BABAM2: variants seen among roughly 807,000 people sequenced by gnomAD.
The protein encoded by BABAM2 is BRISC and BRCA1-A complex member 2.
In BABAM2, 31 loss-of-function variants were observed where a neutral mutation model predicts 54.7. That is an observed-to-expected ratio of 0.57 (90% CI 0.43 to 0.77). The LOEUF (loss-of-function observed/expected upper bound fraction) is 0.77, where lower values mean the gene tolerates loss of function less well. Ranked by LOEUF, BABAM2 falls within the 30% of genes least tolerant of loss-of-function variation. The probability of loss-of-function intolerance (pLI) is 0.00; values close to 1 mark genes in which losing one functional copy is unlikely to be tolerated. For missense variants in BABAM2, 364 were observed against 455.8 expected (o/e 0.80, Z 1.83); for synonymous variants, 167 against 162.9 (o/e 1.03, Z -0.19).
At chr2:28,287,480 A>G (rs10495763) in intron 10 of BABAM2, among the ~76,000 whole-genome samples, 16,087 of 152,256 alleles carry the variant, frequency 0.11, 926 homozygotes, top group Middle Eastern at 0.17. Flanking sequence ...AATCAATGCC[A>G]GTTAGTCACT....
chr2:28,175,835 G>C (rs1276825312), intron 7 of BABAM2, among the ~76,000 whole-genome samples: 1 of 152,136 alleles, frequency 6.6e-6, no homozygotes, highest in African/African-American at 2.4e-5. Flanking sequence ...AGGGGCCCAA[G>C]GATAGATACC....
chr2:28,104,105 G>A (rs916144332), intron 6 of BABAM2, among the ~76,000 whole-genome samples: 16 of 152,098 alleles, frequency 1.1e-4, no homozygotes, highest in African/African-American at 3.9e-4. Flanking sequence ...GAAAACCTAG[G>A]CAATACCATT....
In BABAM2 at chr2:28,127,861, C is replaced by T. The variant is rs1263392048; in HGVS notation, c.571-1410C>T. ...TCGCTCTGTTGCCCAGGCTGGAGTGCAGTGGTGCCATCTCCGCTCACTGCA... is the reference window on the plus strand; with the variant it reads ...TCGCTCTGTTGCCCAGGCTGGAGTGTAGTGGTGCCATCTCCGCTCACTGCA... On this transcript the variant is annotated intron_variant, in intron 6 of 11. Coordinates refer to ENST00000379624, the MANE Select transcript of BABAM2 (RefSeq NM_199191.3). 1.0e-4 allele frequency among the ~76,000 whole-genome samples: 15 copies of T among 148,500 alleles called. No individual in the cohort carries two copies. In the Admixed American group the frequency reaches 1.0e-3, roughly 10 times the overall value.
At chr2:27,958,263 T>A (rs986404349) in intron 3 of BABAM2, among the ~76,000 whole-genome samples, 4 of 151,574 alleles carry the variant, frequency 2.6e-5, no homozygotes, top group Admixed American at 2.0e-4. Flanking sequence ...AGAATAGGAG[T>A]GGACAAGAGC....
intron 6 of BABAM2, among the ~76,000 whole-genome samples, chr2:28,069,566 C>T (rs1663930569): frequency 6.6e-6 from 1 of 152,170 alleles, no homozygotes; most frequent in Admixed American, 6.5e-5. Context: ...GATTGCCCTG[C>T]TACCATGAGA....
intron 1 of BABAM2, 78 bp from the exon 2 acceptor site, chr2:27,894,455 G>A: frequency 7.3e-7 from 1 of 1,367,234 alleles, no homozygotes; most frequent in Non-Finnish European, 1.0e-6. Flanking sequence ...ACTGCTGTAT[G>A]CTGTCCAGTT....
At chr2:28,173,593 G>A (rs1674594830) in intron 7 of BABAM2, among the ~76,000 whole-genome samples, 1 of 152,238 alleles carries the variant, frequency 6.6e-6, no homozygotes, top group African/African-American at 2.4e-5. Context: ...GCAGCAGGGA[G>A]CAAGACTTCA....
intron 4 of BABAM2, among the ~76,000 whole-genome samples, chr2:27,999,877 T>C (rs1019284144): frequency 6.6e-6 from 1 of 152,210 alleles, no homozygotes; most frequent in Admixed American, 6.5e-5. Flanking sequence ...TATTTCATAT[T>C]CTTCACTTGT....
At chr2:28,213,285 C>G (rs955184533) in intron 7 of BABAM2, among the ~76,000 whole-genome samples, 11 of 151,862 alleles carry the variant, frequency 7.2e-5, no homozygotes, top group Non-Finnish European at 1.5e-4. Flanking sequence ...ATTTGGGGAT[C>G]TGGTAAGAAA....
intron 11 of BABAM2, among the ~76,000 whole-genome samples, chr2:28,334,275 G>GA (rs1691217287): frequency 2.0e-5 from 3 of 152,262 alleles, no homozygotes; most frequent in Non-Finnish European, 4.4e-5. Flanking sequence ...AGTTTACAAG[G>GA]AAAGACTAAG....
At chr2:28,273,209 G>A (rs914898742) in intron 10 of BABAM2, among the ~76,000 whole-genome samples, 3 of 152,136 alleles carry the variant, frequency 2.0e-5, no homozygotes, top group East Asian at 1.9e-4. Context: ...TCATTTGCCC[G>A]TCTCTTTTCT....
chr2:28,239,327 CT>C (rs532176057), intron 8 of BABAM2, among the ~76,000 whole-genome samples: 94 of 152,150 alleles, frequency 6.2e-4, no homozygotes, highest in Admixed American at 1.5e-3. Flanking sequence ...TTATCTTGAG[CT>C]TTTGTTAGCC....
intron 6 of BABAM2, among the ~76,000 whole-genome samples, chr2:28,075,141 G>A (rs188200552): frequency 1.3e-5 from 2 of 152,234 alleles, no homozygotes; most frequent in East Asian, 1.9e-4. Context: ...GCCTGCCTCC[G>A]TTTTTAATAC....
At chr2:28,076,458 ATATTTATTTATT>A (rs1005529042) in intron 6 of BABAM2, among the ~76,000 whole-genome samples, 2 of 140,134 alleles carry the variant, frequency 1.4e-5, no homozygotes, top group African/African-American at 5.2e-5. Context: ...TTTTTATTTT[ATATTTATTTATT>A]TATTTATTTA....
Position 28,312,776 on chromosome 2 carries a change from C to T in BABAM2, c.1088+14285C>T, listed in dbSNP as rs553989723. Among the ~76,000 whole-genome samples, 103 of 151,992 alleles carry T rather than the reference C, an allele frequency of 6.8e-4. 1 individual carries two copies. Among genetic ancestry groups the T allele is most frequent in the African/African-American group, 2.0e-3 (82 of 41,448 alleles). On this transcript the variant is annotated intron_variant, in intron 11 of 11. Transcript: ENST00000379624. The stretch of plus-strand genomic sequence containing the variant: ...GAACTTTAGAGATCATCTAGTACTG[C>T]CAGGTCTAAATATGGTAAGCATTAA...
At chr2:28,114,599 A>G (rs913686914) in intron 6 of BABAM2, among the ~76,000 whole-genome samples, 4 of 152,192 alleles carry the variant, frequency 2.6e-5, no homozygotes, top group Admixed American at 2.0e-4. Flanking sequence ...TATGCTTGTC[A>G]CAATGCCTTA....
intron 6 of BABAM2, among the ~76,000 whole-genome samples, chr2:28,094,184 T>C (rs995287215): frequency 2.6e-5 from 4 of 152,182 alleles, no homozygotes; most frequent in Non-Finnish European, 5.9e-5. Flanking sequence ...AATATCTATA[T>C]GTAGAGAGAG....
intron 5 of BABAM2, among the ~76,000 whole-genome samples, chr2:28,044,500 G>C (rs1306562567): frequency 6.6e-6 from 1 of 152,188 alleles, no homozygotes; most frequent in East Asian, 1.9e-4. Flanking sequence ...CAAAGTGCTG[G>C]GATTACAGGC....
intron 6 of BABAM2, among the ~76,000 whole-genome samples, chr2:28,070,759 T>A (rs1418085267): frequency 6.6e-6 from 1 of 152,142 alleles, no homozygotes; most frequent in Non-Finnish European, 1.5e-5. Context: ...AGGTTAAGCA[T>A]TCCTCTCTTT....
Sources: gnomAD v4.1 joint callset for allele counts (sites outside exome capture counted in the v4.1 genomes callset) on GRCh38, gnomAD v4.1.1 for gene constraint, MANE v1.5 for transcripts, NCBI Gene and HGNC (gene_info 2026-07-23, HGNC 2026-07-21) for gene names.